The following DIAPH3 variants were observed in gnomAD, a reference collection of about 807,000 sequenced individuals.
The protein encoded by DIAPH3 is diaphanous related formin 3.
In DIAPH3, 117 loss-of-function variants were observed where a neutral mutation model predicts 144.3. That is an observed-to-expected ratio of 0.81 (90% CI 0.70 to 0.95). The LOEUF is 0.95. DIAPH3 is among the 40% of genes least tolerant of loss of function. The probability of loss-of-function intolerance (pLI) is 0.00; values close to 1 mark genes in which losing one functional copy is unlikely to be tolerated. For missense variants in DIAPH3, 1,421 were observed against 1,412.7 expected (o/e 1.01, Z -0.09); for synonymous variants, 519 against 488.9 (o/e 1.06, Z -0.81).
chr13:60,151,137 G>A (rs1406083870), intron 1 of DIAPH3, among the ~76,000 whole-genome samples: 1 of 151,248 alleles, frequency 6.6e-6, no homozygotes, highest in African/African-American at 2.4e-5. Context: ...GAAGCAGGAA[G>A]AAGAGGTTAA....
intron 4 of DIAPH3, among the ~76,000 whole-genome samples, chr13:60,083,863 C>T (rs1255387891): frequency 6.6e-6 from 1 of 151,948 alleles, no homozygotes; most frequent in African/African-American, 2.4e-5. Context: ...ATCATCACTA[C>T]TGCACTCCAG....
At chr13:59,927,594 T>G (rs1232687371) in intron 17 of DIAPH3, among the ~76,000 whole-genome samples, 4 of 152,152 alleles carry the variant, frequency 2.6e-5, no homozygotes. Flanking sequence ...ATTCCCTCAG[T>G]GTTTGATTGG....
intron 7 of DIAPH3, among the ~76,000 whole-genome samples, chr13:60,015,177 G>A (rs542986475): frequency 6.6e-6 from 1 of 152,076 alleles, no homozygotes; most frequent in African/African-American, 2.4e-5. Context: ...TTTACTTTTT[G>A]TAGAGATGGC....
At chr13:59,749,649 AC>A (rs1427971248) in intron 27 of DIAPH3, among the ~76,000 whole-genome samples, 4 of 151,812 alleles carry the variant, frequency 2.6e-5, no homozygotes, top group Non-Finnish European at 5.9e-5. Context: ...TATGCAAGAT[AC>A]CTTGCATATA....
chr13:59,723,705 G>A (rs1050408297), intron 27 of DIAPH3, among the ~76,000 whole-genome samples: 1 of 151,862 alleles, frequency 6.6e-6, no homozygotes, highest in African/African-American at 2.4e-5. Context: ...CCGCCTCCTG[G>A]GTTCAAGCAA....
intron 27 of DIAPH3, among the ~76,000 whole-genome samples, chr13:59,689,228 G>A (rs546518963): frequency 6.6e-6 from 1 of 152,214 alleles, no homozygotes; most frequent in South Asian, 2.1e-4. Context: ...ACTACCTGGG[G>A]AGAGAGGCAT....
chr13:59,844,562 T>C (rs992363256), intron 22 of DIAPH3, among the ~76,000 whole-genome samples: 1 of 151,638 alleles, frequency 6.6e-6, no homozygotes, highest in Non-Finnish European at 1.5e-5. Flanking sequence ...GAGTATTAAA[T>C]TGTACACTCT....
intron 3 of DIAPH3, among the ~76,000 whole-genome samples, chr13:60,094,044 C>T (rs1189821243): frequency 1.3e-5 from 2 of 152,178 alleles, no homozygotes; most frequent in East Asian, 3.9e-4. Flanking sequence ...TTCATAAGGT[C>T]ACACAATTTC....
chr13:59,692,137 CTTTTTTTT>C (rs56205887), intron 27 of DIAPH3, among the ~76,000 whole-genome samples: 16 of 58,188 alleles, frequency 2.7e-4, no homozygotes, highest in Admixed American at 2.1e-3. Context: ...TTGAGAAATT[CTTTTTTTT>C]TTTTTTTTTT....
At chr13:59,703,567 G>A (rs1217655470) in intron 27 of DIAPH3, among the ~76,000 whole-genome samples, 1 of 152,032 alleles carries the variant, frequency 6.6e-6, no homozygotes, top group Non-Finnish European at 1.5e-5. Context: ...TTTATAGTTT[G>A]TATTTTTCGG....
At position 60,113,255 on chromosome 13, in the gene DIAPH3, T is replaced by C. The variant is rs138757737; in HGVS notation, c.214-1069A>G. Among the ~76,000 whole-genome samples, 286 of 152,310 alleles carry C rather than the reference T, an allele frequency of 1.9e-3. 1 individual carries two copies. The highest frequency in any genetic ancestry group is 1.2e-3 in the East Asian group (6 of 5,184). On this transcript the variant is annotated intron_variant, in intron 2 of 27. Coordinates refer to ENST00000400324, the MANE Select transcript of DIAPH3 (RefSeq NM_001042517.2). Reference sequence around the variant, plus strand: ...GAGCCACATGTGGCCAGCATACTAATACATATAGAACATTTCCATCATTGC... The same window carrying C: ...GAGCCACATGTGGCCAGCATACTAACACATATAGAACATTTCCATCATTGC...
intron 27 of DIAPH3, among the ~76,000 whole-genome samples, chr13:59,754,299 C>G (rs993301375): frequency 6.6e-6 from 1 of 152,158 alleles, no homozygotes; most frequent in Non-Finnish European, 1.5e-5. Flanking sequence ...ATCAGCTTTA[C>G]GATTTTGGGC....
At chr13:60,147,315 G>A (rs932944791) in intron 1 of DIAPH3, 8 of 152,224 alleles carry the variant, frequency 5.3e-5, no homozygotes, top group Non-Finnish European at 1.2e-4. Flanking sequence ...AGGTTCTTAA[G>A]TATAGGAGAT....
chr13:59,983,834 C>T lies in DIAPH3; in HGVS notation c.1415G>A (p.Arg472Lys), dbSNP rs2051193893. The T allele has an allele frequency of 6.2e-7, 1 of 1,610,122 alleles. No individual in the cohort carries two copies. Among genetic ancestry groups the T allele is most frequent in the Non-Finnish European group, 8.5e-7 (1 of 1,177,450 alleles). Reference sequence around the variant, plus strand: ...TGTGAAGTCTGGATCCATTCCATCTCTATGCAATACAATCTGGGATACACA... The same window carrying T: ...TGTGAAGTCTGGATCCATTCCATCTTTATGCAATACAATCTGGGATACACA... ...DECVSQIVLH[R>K]DGMDPDFTYR... Residue 472 changes from arginine to lysine, a missense_variant, in exon 13 of 28, where the codon AGA becomes AAA. Arg to Lys is a conservative substitution (Grantham distance 26). Transcript: ENST00000400324.
intron 14 of DIAPH3, among the ~76,000 whole-genome samples, chr13:59,980,401 C>A (rs553423091): frequency 4.6e-5 from 7 of 151,410 alleles, no homozygotes; most frequent in African/African-American, 1.5e-4. Context: ...CTCCATCATC[C>A]ACTCATTCAA....
chr13:59,922,117 G>C (rs139900282), intron 18 of DIAPH3, among the ~76,000 whole-genome samples: 1,704 of 151,992 alleles, frequency 0.011, 17 homozygotes, highest in Non-Finnish European at 0.017. Context: ...AAACAGAAAA[G>C]TTGAAAGCTT....
chr13:60,161,696 G>C (rs1189641275), intron 1 of DIAPH3, among the ~76,000 whole-genome samples: 2 of 152,174 alleles, frequency 1.3e-5, no homozygotes, highest in Admixed American at 1.3e-4. Context: ...TCATGAATCT[G>C]AGTCAATGTA....
intron 22 of DIAPH3, among the ~76,000 whole-genome samples, chr13:59,841,778 T>C (rs2042360878): frequency 6.6e-6 from 1 of 152,190 alleles, no homozygotes; most frequent in Non-Finnish European, 1.5e-5. Flanking sequence ...TAAGTGTTTA[T>C]GTATGTCAGG....
intron 5 of DIAPH3, among the ~76,000 whole-genome samples, chr13:60,028,626 C>G (rs902960096): frequency 6.6e-6 from 1 of 152,144 alleles, no homozygotes; most frequent in African/African-American, 2.4e-5. Context: ...TACAACCTGC[C>G]CACACTGGGA....
Sources: gnomAD v4.1 joint callset for allele counts (sites outside exome capture counted in the v4.1 genomes callset) on GRCh38, gnomAD v4.1.1 for gene constraint, MANE v1.5 for transcripts, NCBI Gene and HGNC (gene_info 2026-07-23, HGNC 2026-07-21) for gene names.